Variants in CSMD1 observed in about 807,000 individuals in gnomAD.
CSMD1 encodes CUB and Sushi multiple domains 1.
In CSMD1, 213 loss-of-function variants were observed where a neutral mutation model predicts 417.5. That is an observed-to-expected ratio of 0.51 (90% CI 0.46 to 0.57). The LOEUF is 0.57. Among genes scored for constraint, CSMD1 ranks in the 20% least tolerant of loss-of-function variants. The pLI is 0.00. For missense variants in CSMD1, 6,923 were observed against 4,529.7 expected, an observed-to-expected ratio of 1.53 and a Z score of -15.17; for synonymous variants, 2,862 against 1,736.8, an observed-to-expected ratio of 1.65 and a Z score of -16.11.
intron 3 of CSMD1, among the ~76,000 whole-genome samples, chr8:4,354,529 G>A (rs1244053244): frequency 6.6e-6 from 1 of 152,138 alleles, no homozygotes; most frequent in Non-Finnish European, 1.5e-5. Context: ...ACTTGATGTT[G>A]TGGAAAAGCT....
chr8:4,225,598 G>A (rs1801301469), intron 3 of CSMD1, among the ~76,000 whole-genome samples: 3 of 151,234 alleles, frequency 2.0e-5, no homozygotes, highest in Admixed American at 6.6e-5. Flanking sequence ...TTATTTGGGA[G>A]GAAATATGCT....
chr8:3,109,737 C>A (rs756258877), intron 43 of CSMD1, among the ~76,000 whole-genome samples: 200 of 152,008 alleles, frequency 1.3e-3, no homozygotes, highest in Middle Eastern at 3.4e-3. Context: ...GCAGCCACAC[C>A]ACACACAACA....
In CSMD1 at chr8:3,612,303, G is replaced by A. The variant is rs576300746; in HGVS notation, c.1097+4407C>T. On this transcript the variant is annotated intron_variant, in intron 8 of 69. Transcript: ENST00000635120. ...CTAATTACAGAGCTTCAAAATACATGAAGCAAAAACTGATAAAGCTGCAAT... is the reference window on the plus strand; with the variant it reads ...CTAATTACAGAGCTTCAAAATACATAAAGCAAAAACTGATAAAGCTGCAAT... 3.9e-5 allele frequency among the ~76,000 whole-genome samples: 6 copies of A among 152,162 alleles called. No homozygotes were observed. The South Asian group carries it at 1.2e-3, about 31-fold the overall frequency.
chr8:3,512,469 A>C (rs1490948987), intron 10 of CSMD1, among the ~76,000 whole-genome samples: 1 of 152,122 alleles, frequency 6.6e-6, no homozygotes, highest in African/African-American at 2.4e-5. Flanking sequence ...ATGACACCTA[A>C]GGATGCTGTA....
chr8:3,837,614 T>C (rs11777359), intron 5 of CSMD1, among the ~76,000 whole-genome samples: 20,153 of 152,194 alleles, frequency 0.13, 1,401 homozygotes, highest in East Asian at 0.18. Flanking sequence ...ATAGAAATTC[T>C]AGCGTTTGTG....
At chr8:3,831,255 G>C (rs908885110) in intron 5 of CSMD1, among the ~76,000 whole-genome samples, 1 of 152,134 alleles carries the variant, frequency 6.6e-6, no homozygotes, top group African/African-American at 2.4e-5. Flanking sequence ...AGAGAATACT[G>C]CTCTTAGTTA....
chr8:3,297,273 G>C (rs969211969), intron 25 of CSMD1, among the ~76,000 whole-genome samples: 1 of 152,124 alleles, frequency 6.6e-6, no homozygotes, highest in Admixed American at 6.5e-5. Context: ...TTGATGTCAT[G>C]GGATATCAAT....
At chr8:4,407,650 G>A (rs1209559652) in intron 3 of CSMD1, among the ~76,000 whole-genome samples, 1 of 152,146 alleles carries the variant, frequency 6.6e-6, no homozygotes, top group African/African-American at 2.4e-5. Context: ...AAGTTAATTA[G>A]TGCCTTTGTC....
intron 1 of CSMD1, among the ~76,000 whole-genome samples, chr8:4,647,590 G>T (rs969517302): frequency 2.6e-5 from 4 of 151,454 alleles, no homozygotes; most frequent in South Asian, 2.1e-4. Context: ...AATATGTCCT[G>T]GTGTGTGTTG....
Position 4,179,159 on chromosome 8 carries a change from A to T in CSMD1, c.416-147060T>A, listed in dbSNP as rs191714622. On this transcript the variant is annotated intron_variant, in intron 3 of 69. Coordinates refer to ENST00000635120, the MANE Select transcript of CSMD1 (RefSeq NM_033225.6). ...AAAGGAAGAAAGCTGGAGGCATCAC[A>T]CTACCTGACTTCAAACTATACTACA... Among the ~76,000 whole-genome samples, 46 of 152,234 alleles carry T rather than the reference A, an allele frequency of 3.0e-4. No homozygotes were observed. In the East Asian group the frequency reaches 6.6e-3, roughly 22 times the overall value.
At chr8:4,596,699 C>G (rs1400296933) in intron 2 of CSMD1, among the ~76,000 whole-genome samples, 1 of 152,134 alleles carries the variant, frequency 6.6e-6, no homozygotes, top group East Asian at 1.9e-4. Context: ...TCAGTTCATT[C>G]AAAAACAGTT....
At chr8:4,334,229 C>A (rs1315716436) in intron 3 of CSMD1, among the ~76,000 whole-genome samples, 1 of 152,054 alleles carries the variant, frequency 6.6e-6, no homozygotes, top group African/African-American at 2.4e-5. Context: ...TTTGTATCAT[C>A]CAATAACTTA....
At chr8:3,365,297 CAA>C (rs1809483029) in intron 20 of CSMD1, among the ~76,000 whole-genome samples, 1 of 152,110 alleles carries the variant, frequency 6.6e-6, no homozygotes, top group Admixed American at 6.5e-5. Flanking sequence ...GAAAAATCAA[CAA>C]AGTCAGATTA....
chr8:2,987,572 G>C (rs1306386630), intron 54 of CSMD1, among the ~76,000 whole-genome samples: 2 of 152,026 alleles, frequency 1.3e-5, no homozygotes, highest in African/African-American at 2.4e-5. Context: ...CTTCTCTTCG[G>C]ATATAACTCA....
At chr8:3,358,908 G>T (rs1216883602) in intron 21 of CSMD1, among the ~76,000 whole-genome samples, 1 of 151,514 alleles carries the variant, frequency 6.6e-6, no homozygotes, top group African/African-American at 2.4e-5. Context: ...CACATGCTTT[G>T]GTTTCACTCT....
At chr8:2,983,767 G>A (rs1323572474) in intron 54 of CSMD1, among the ~76,000 whole-genome samples, 1 of 152,114 alleles carries the variant, frequency 6.6e-6, no homozygotes, top group Non-Finnish European at 1.5e-5. Context: ...TCTTATTTTT[G>A]TAGAAGCTCT....
intron 8 of CSMD1, among the ~76,000 whole-genome samples, chr8:3,605,747 A>G (rs957103781): frequency 6.6e-6 from 1 of 152,216 alleles, no homozygotes; most frequent in African/African-American, 2.4e-5. Flanking sequence ...CATACCAAGG[A>G]CATACATTAA....
rs774636100 is a variant in CSMD1, at chr8:3,087,267, G to A, written c.7304C>T (p.Thr2435Ile). ...AATACCCCCATTCTTCAGGGGGTGG[G>A]TCAAACTGCAGTAAGGTGCTGTGGG... ...IRYAAPYCSL[T>I]HPLKNGGILN... The change falls in exon 49 of 70, where the codon ACC becomes ATC. Residue 2435 changes from threonine to isoleucine, a missense_variant. Thr to Ile is a moderately conservative substitution (Grantham distance 89). Transcript: ENST00000635120. 6 of 1,613,908 alleles carry A rather than the reference G, an allele frequency of 3.7e-6. No individual in the cohort carries two copies. The highest frequency in any genetic ancestry group is 3.3e-5 in the Admixed American group (2 of 60,024).
chr8:3,716,153 T>G (rs1482990976), intron 6 of CSMD1, among the ~76,000 whole-genome samples: 3 of 152,208 alleles, frequency 2.0e-5, no homozygotes, highest in African/African-American at 7.2e-5. Flanking sequence ...TCTAATTCAC[T>G]GGCCGCTCCT....
Sources: gnomAD v4.1 joint callset for allele counts (sites outside exome capture counted in the v4.1 genomes callset) on GRCh38, gnomAD v4.1.1 for gene constraint, MANE v1.5 for transcripts, NCBI Gene and HGNC (gene_info 2026-07-23, HGNC 2026-07-21) for gene names.